RPH3AL: variants seen among roughly 807,000 people sequenced by gnomAD.
RPH3AL encodes rabphilin 3A like (without C2 domains).
RPH3AL carries 38 observed loss-of-function variants against 43.1 expected under a neutral mutation model. The observed-to-expected ratio is 0.88, with a 90% confidence interval of 0.68 to 1.15. RPH3AL has a LOEUF of 1.15. Ranked by LOEUF, RPH3AL falls within the 50% of genes most tolerant of loss-of-function variation. The pLI is 0.00. For missense variants in RPH3AL, 462 were observed against 423.2 expected, an observed-to-expected ratio of 1.09 and a Z score of -0.81; for synonymous variants, 189 against 176.3, an observed-to-expected ratio of 1.07 and a Z score of -0.57.
intron 6 of RPH3AL, among the ~76,000 whole-genome samples, chr17:279,546 T>C (rs1206002006): frequency 6.6e-6 from 1 of 152,154 alleles, no homozygotes; most frequent in African/African-American, 2.4e-5. Context: ...TGGTGGTAGC[T>C]CAAGACTGTT....
intron 1 of RPH3AL, among the ~76,000 whole-genome samples, chr17:351,144 GTC>G (rs1260936930): frequency 6.6e-6 from 1 of 152,136 alleles, no homozygotes; most frequent in Non-Finnish European, 1.5e-5. Flanking sequence ...TCTCTCCAAC[GTC>G]TCTAGGCTGC....
At chr17:219,884 T>A in intron 7 of RPH3AL, 148 bp from the exon 8 acceptor site, 1 of 622,606 alleles carries the variant, frequency 1.6e-6, no homozygotes, top group Non-Finnish European at 2.9e-6. Flanking sequence ...GAAGAAATAA[T>A]GGCCTGGGGA....
intron 6 of RPH3AL, among the ~76,000 whole-genome samples, chr17:266,359 G>C (rs552327023): frequency 6.6e-6 from 1 of 152,250 alleles, no homozygotes; most frequent in East Asian, 1.9e-4. Context: ...CGTCATCCCT[G>C]TGCTCCCCTC....
intron 2 of RPH3AL, chr17:332,745 C>A: frequency 3.4e-6 from 1 of 293,888 alleles, no homozygotes; most frequent in Non-Finnish European, 6.9e-6. Flanking sequence ...GACGGCTGAG[C>A]TCGCTCCTTG....
intron 2 of RPH3AL, among the ~76,000 whole-genome samples, chr17:329,103 T>C (rs2044686503): frequency 6.6e-6 from 1 of 152,122 alleles, no homozygotes; most frequent in Admixed American, 6.5e-5. Context: ...ATCGCACCCT[T>C]TAAAAGTGTG....
chr17:277,369 T>G (rs768095803), intron 6 of RPH3AL, among the ~76,000 whole-genome samples: 1 of 152,266 alleles, frequency 6.6e-6, no homozygotes, highest in Non-Finnish European at 1.5e-5. Flanking sequence ...TATGCTTGTC[T>G]ATAATTGTAA....
At chr17:349,951 C>T (rs762196540) in intron 1 of RPH3AL, among the ~76,000 whole-genome samples, 2 of 152,212 alleles carry the variant, frequency 1.3e-5, no homozygotes, top group Non-Finnish European at 2.9e-5. Flanking sequence ...CACACACCCA[C>T]ACAGAGGAGC....
chr17:269,410 C>A (rs556572345), intron 6 of RPH3AL, among the ~76,000 whole-genome samples: 3 of 152,312 alleles, frequency 2.0e-5, no homozygotes, highest in Non-Finnish European at 2.9e-5. Context: ...CTTGCTGGAA[C>A]GCAAGCTCCA....
At chr17:325,711 A>T (rs555231991) in intron 3 of RPH3AL, among the ~76,000 whole-genome samples, 1 of 152,296 alleles carries the variant, frequency 6.6e-6, no homozygotes, top group Non-Finnish European at 1.5e-5. Flanking sequence ...GTGCTTTAAG[A>T]CCAGGGACTG....
chr17:314,302 T>A (rs542839762), intron 5 of RPH3AL, among the ~76,000 whole-genome samples: 1 of 151,874 alleles, frequency 6.6e-6, no homozygotes, highest in Non-Finnish European at 1.5e-5. Context: ...TCACAGCAGC[T>A]GTGGGGTTGA....
intron 8 of RPH3AL, among the ~76,000 whole-genome samples, chr17:216,855 A>G (rs902739829): frequency 6.6e-6 from 1 of 152,102 alleles, no homozygotes; most frequent in African/African-American, 2.4e-5. Context: ...AATGTCTGCC[A>G]TGGTCACAGG....
At chr17:226,965 T>C (rs969926718) in intron 7 of RPH3AL, among the ~76,000 whole-genome samples, 9 of 152,054 alleles carry the variant, frequency 5.9e-5, no homozygotes, top group African/African-American at 2.2e-4. Context: ...CCACGCCTGG[T>C]TTTTCAGATG....
chr17:315,631 T>G (rs2044018778), intron 5 of RPH3AL, among the ~76,000 whole-genome samples: 2 of 146,348 alleles, frequency 1.4e-5, no homozygotes, highest in African/African-American at 5.3e-5. Context: ...GTACTCCACC[T>G]CCACTGACCT....
At chr17:346,312 G>A (rs866317971) in intron 1 of RPH3AL, among the ~76,000 whole-genome samples, 2 of 135,104 alleles carry the variant, frequency 1.5e-5, no homozygotes, top group Admixed American at 7.2e-5. Context: ...GTGTTAGTCC[G>A]TTTTCACGCT....
intron 6 of RPH3AL, among the ~76,000 whole-genome samples, chr17:276,979 AT>A: frequency 6.6e-6 from 1 of 152,236 alleles, no homozygotes; most frequent in Admixed American, 6.5e-5. Context: ...ATGCACCCTT[AT>A]TTTTTTAATT....
chr17:305,273 G>T (rs75754942), intron 5 of RPH3AL, among the ~76,000 whole-genome samples: 2,649 of 152,074 alleles, frequency 0.017, 86 homozygotes, highest in African/African-American at 0.061. Flanking sequence ...TGGGACTCAG[G>T]GTCAAAGCCA....
intron 6 of RPH3AL, among the ~76,000 whole-genome samples, chr17:250,944 G>A (rs1314950251): frequency 2.0e-5 from 3 of 152,266 alleles, no homozygotes; most frequent in Non-Finnish European, 4.4e-5. Flanking sequence ...AAGCTCAGGT[G>A]CACAGGGTTA....
At position 352,749 on chromosome 17, in the gene RPH3AL, G is replaced by A. The variant is rs1249259291; in HGVS notation, c.-250C>T. ...GGCTTCACCCAGACAGGCCCCACCA[G>A]GGAGGAGGAGGCCGCTCTCCCTCCC... is the stretch of plus-strand genomic sequence containing the variant. On this transcript the variant is annotated 5_prime_UTR_variant, in exon 1 of 10. Transcript: ENST00000331302. 6.6e-6 allele frequency: 1 copy of A among 152,228 alleles called. No homozygotes were observed. Among genetic ancestry groups the A allele is most frequent in the Non-Finnish European group, 1.5e-5 (1 of 68,056 alleles). The allele number at this position is 152,228 out of a possible 1,614,324, so 9.4% of individuals were successfully genotyped here.
At chr17:320,436 G>C (rs1180841611) in intron 4 of RPH3AL, among the ~76,000 whole-genome samples, 1 of 152,034 alleles carries the variant, frequency 6.6e-6, no homozygotes, top group Admixed American at 6.5e-5. Context: ...AGAAGTTCGA[G>C]AGCAGCCTGG....
Sources: allele counts gnomAD v4.1 joint callset (sites outside exome capture counted in the v4.1 genomes callset), GRCh38; gene constraint gnomAD v4.1.1; transcripts MANE v1.5; gene names NCBI Gene and HGNC (gene_info 2026-07-23, HGNC 2026-07-21).